Variants in ARHGAP15 observed in about 807,000 individuals in gnomAD.
ARHGAP15 encodes Rho GTPase activating protein 15, also known as rho GTPase-activating protein 15.
ARHGAP15 carries 51 observed loss-of-function variants against 63.7 expected under a neutral mutation model. That is an observed-to-expected ratio of 0.80 (90% confidence interval 0.64 to 1.01). ARHGAP15 has a LOEUF of 1.01. Ranked by LOEUF, ARHGAP15 falls within the 50% of genes least tolerant of loss-of-function variation. The probability of loss-of-function intolerance (pLI) is 0.00; values close to 1 mark genes in which losing one functional copy is unlikely to be tolerated. For missense variants in ARHGAP15, 560 were observed against 564.6 expected, an observed-to-expected ratio of 0.99 and a Z score of 0.08; for synonymous variants, 191 against 193.8, an observed-to-expected ratio of 0.99 and a Z score of 0.12.
chr2:143,614,074 G>A (rs1302874102), intron 11 of ARHGAP15, among the ~76,000 whole-genome samples: 3 of 152,096 alleles, frequency 2.0e-5, no homozygotes, highest in African/African-American at 7.2e-5. Flanking sequence ...TGGCGTGATT[G>A]TTACTTCTAG....
At chr2:143,642,331 T>G (rs1240804552) in intron 12 of ARHGAP15, among the ~76,000 whole-genome samples, 1 of 152,062 alleles carries the variant, frequency 6.6e-6, no homozygotes, top group African/African-American at 2.4e-5. Context: ...GTTTGAAGGC[T>G]TCTCAAACCT....
chr2:143,345,886 T>A (rs184723373), intron 6 of ARHGAP15, among the ~76,000 whole-genome samples: 105 of 152,188 alleles, frequency 6.9e-4, no homozygotes, highest in African/African-American at 2.5e-3. Context: ...GCCATCTCAG[T>A]GAACGGAGAT....
chr2:143,267,495 TC>T (rs1681054976), intron 6 of ARHGAP15, among the ~76,000 whole-genome samples: 2 of 152,238 alleles, frequency 1.3e-5, no homozygotes, highest in African/African-American at 4.8e-5. Context: ...ATTATTTAAG[TC>T]CAAGGCAGAT....
At chr2:143,561,496 G>A (rs1193744748) in intron 11 of ARHGAP15, among the ~76,000 whole-genome samples, 1 of 148,850 alleles carries the variant, frequency 6.7e-6, no homozygotes, top group Non-Finnish European at 1.5e-5. Flanking sequence ...TTTTAGACAT[G>A]TTTTTCTTTT....
At chr2:143,715,789 C>A (rs1684784886) in intron 13 of ARHGAP15, among the ~76,000 whole-genome samples, 1 of 152,174 alleles carries the variant, frequency 6.6e-6, no homozygotes, top group Non-Finnish European at 1.5e-5. Context: ...ATCATGAAAT[C>A]TTTACCCGTG....
intron 12 of ARHGAP15, among the ~76,000 whole-genome samples, chr2:143,679,654 C>CGT (rs60643761): frequency 0.013 from 1,929 of 149,912 alleles, 31 homozygotes; most frequent in African/African-American, 0.04. Flanking sequence ...TGCGTGTGTG[C>CGT]GTGTGTGTGT....
At chr2:143,527,969 A>G (rs1372482550) in intron 10 of ARHGAP15, among the ~76,000 whole-genome samples, 1 of 152,212 alleles carries the variant, frequency 6.6e-6, no homozygotes, top group East Asian at 1.9e-4. Flanking sequence ...TTCTGATAAG[A>G]GTATATCATA....
chr2:143,361,564 A>G (rs1208352770), intron 6 of ARHGAP15, among the ~76,000 whole-genome samples: 1 of 152,170 alleles, frequency 6.6e-6, no homozygotes, highest in Non-Finnish European at 1.5e-5. Context: ...GTTTTTGCTG[A>G]CCAAATTCCA....
At chr2:143,537,281 C>T (rs1274207759) in intron 10 of ARHGAP15, among the ~76,000 whole-genome samples, 3 of 152,036 alleles carry the variant, frequency 2.0e-5, no homozygotes, top group South Asian at 4.1e-4. Flanking sequence ...GATATTAGCC[C>T]TTTGTCAGAT....
intron 6 of ARHGAP15, among the ~76,000 whole-genome samples, chr2:143,296,133 C>T (rs1234099271): frequency 6.6e-6 from 1 of 151,956 alleles, no homozygotes; most frequent in Non-Finnish European, 1.5e-5. Flanking sequence ...TTCATCCCTC[C>T]CTCAAATCAA....
chr2:143,672,464 CT>C (rs1682575740), intron 12 of ARHGAP15, among the ~76,000 whole-genome samples: 1 of 152,144 alleles, frequency 6.6e-6, no homozygotes, highest in Non-Finnish European at 1.5e-5. Context: ...ATGATGTTAA[CT>C]AATGGATGTC....
intron 1 of ARHGAP15, among the ~76,000 whole-genome samples, chr2:143,133,849 T>C (rs1689006432): frequency 6.6e-6 from 1 of 152,170 alleles, no homozygotes; most frequent in Non-Finnish European, 1.5e-5. Flanking sequence ...AAACCATATA[T>C]ATATGCACAT....
At chr2:143,229,626 G>A (rs1693360153) in intron 5 of ARHGAP15, among the ~76,000 whole-genome samples, 2 of 152,150 alleles carry the variant, frequency 1.3e-5, no homozygotes, top group Non-Finnish European at 2.9e-5. Flanking sequence ...CCATCGGCCT[G>A]ATGGATGATA....
intron 6 of ARHGAP15, among the ~76,000 whole-genome samples, chr2:143,423,794 A>G (rs1193391256): frequency 6.6e-6 from 1 of 152,134 alleles, no homozygotes; most frequent in Non-Finnish European, 1.5e-5. Flanking sequence ...CCTGGATTGT[A>G]TTTTATGTAG....
chr2:143,551,203 G>T (rs1695547631), intron 10 of ARHGAP15, among the ~76,000 whole-genome samples: 1 of 152,218 alleles, frequency 6.6e-6, no homozygotes, highest in Admixed American at 6.5e-5. Flanking sequence ...CCAGGCTGGA[G>T]TGCAATGCTG....
chr2:143,600,016 C>T (rs985538976), intron 11 of ARHGAP15, among the ~76,000 whole-genome samples: 2 of 152,046 alleles, frequency 1.3e-5, no homozygotes, highest in African/African-American at 2.4e-5. Context: ...TTAATAGCTG[C>T]GGGCACATGT....
At chr2:143,261,611 G>C (rs1483919645) in intron 6 of ARHGAP15, among the ~76,000 whole-genome samples, 1 of 151,924 alleles carries the variant, frequency 6.6e-6, no homozygotes, top group South Asian at 2.1e-4. Context: ...GCCTCCCATA[G>C]TGCTGGGATT....
intron 6 of ARHGAP15, among the ~76,000 whole-genome samples, chr2:143,266,894 A>G (rs1243387126): frequency 6.6e-6 from 1 of 152,200 alleles, no homozygotes; most frequent in Admixed American, 6.5e-5. Context: ...AAAATAGGCT[A>G]AACTATGCTT....
chr2:143,193,478 G>C (rs1383090724), intron 2 of ARHGAP15: 1 of 152,634 alleles, frequency 6.6e-6, no homozygotes, highest in Non-Finnish European at 1.5e-5. Context: ...AACTAAATCT[G>C]CTTTTTCGGC....
Sources: gnomAD v4.1 joint callset for allele counts (sites outside exome capture counted in the v4.1 genomes callset) on GRCh38, gnomAD v4.1.1 for gene constraint, MANE v1.5 for transcripts, NCBI Gene and HGNC (gene_info 2026-07-23, HGNC 2026-07-21) for gene names.